The following NPHP4 variants were observed in gnomAD, a reference collection of about 807,000 sequenced individuals.
NPHP4 encodes nephrocystin-4.
Under a neutral mutation model 155.8 loss-of-function variants are expected in NPHP4, and 151 were observed. The observed-to-expected ratio is 0.97, with a 90% CI of 0.85 to 1.11. The LOEUF (loss-of-function observed/expected upper bound fraction) is 1.11. NPHP4 is among the 50% of genes least tolerant of loss of function. The pLI is 0.00. For synonymous variants in NPHP4, 845 were observed against 816.8 expected (o/e 1.03, Z -0.59); for missense variants, 1,956 against 1,925.7 (o/e 1.02, Z -0.29).
chr1:5,990,045 A>C (rs568305459), intron 1 of NPHP4, among the ~76,000 whole-genome samples: 1 of 152,298 alleles, frequency 6.6e-6, no homozygotes, highest in South Asian at 2.1e-4. Context: ...TGGGAGCCCA[A>C]GCGCCCGCAG....
rs1642698970 is a variant in NPHP4 at position 5,877,184 on chromosome 1, T to A, written c.2726A>T (p.Asp909Val). The A allele has an allele frequency of 3.1e-6, 5 of 1,604,240 alleles. No individual in the cohort carries two copies. Among genetic ancestry groups the A allele is most frequent in the Non-Finnish European group, 4.3e-6 (5 of 1,174,844 alleles). Residue 909 changes from aspartate to valine, a missense_variant, in exon 20 of 30, where the codon GAT becomes GTT. Asp to Val is a radical substitution (Grantham distance 152). Coordinates refer to ENST00000378156, the MANE Select transcript of NPHP4 (RefSeq NM_015102.5). ...KGPQDVSRES[D>V]ATRRRKLERM... ...CTCCAGCTTACGCCTGCGGGTGGCATCCGACTCGCGGCTGACGTCCTGGGG... is the reference window on the plus strand; with the variant it reads ...CTCCAGCTTACGCCTGCGGGTGGCAACCGACTCGCGGCTGACGTCCTGGGG...
intron 3 of NPHP4, among the ~76,000 whole-genome samples, chr1:5,977,125 C>T (rs537317829): frequency 6.6e-6 from 1 of 152,126 alleles, no homozygotes; most frequent in Non-Finnish European, 1.5e-5. Flanking sequence ...CTCTCAAACT[C>T]CCCCCACTCG....
chr1:5,877,482 G>T, intron 19 of NPHP4, 184 bp from the exon 20 acceptor site: 1 of 433,546 alleles, frequency 2.3e-6, no homozygotes, highest in Non-Finnish European at 4.1e-6. Context: ...TTTATACCCT[G>T]GTTTCCACAG....
rs116619599 is a variant in NPHP4, at chr1:5,873,974, C to T, written c.3231+497G>A. ...CCTCCTGCACACACACCTCACATAT[C>T]GCCCCTGCACACACACCTCACATAC... is the stretch of plus-strand genomic sequence containing the variant. On this transcript the variant is annotated intron_variant, in intron 22 of 29. Transcript: ENST00000378156. 959 of 216,058 alleles carry T rather than the reference C, an allele frequency of 4.4e-3. 5 individuals carry two copies. Among genetic ancestry groups the T allele is most frequent in the African/African-American group, 0.022 (907 of 42,010 alleles). The allele number at this position is 216,058 out of a possible 1,614,324, so 13.4% of individuals were successfully genotyped here.
chr1:5,876,799 A>G, intron 20 of NPHP4: 1 of 329,250 alleles, frequency 3.0e-6, no homozygotes, highest in African/African-American at 2.1e-5. Flanking sequence ...GGAGAGCCTC[A>G]GAATCACCTG....
At chr1:5,911,909 G>C (rs770962033) in intron 11 of NPHP4, among the ~76,000 whole-genome samples, 12 of 152,210 alleles carry the variant, frequency 7.9e-5, no homozygotes, top group Non-Finnish European at 2.9e-5. Flanking sequence ...CAGGCCCCAG[G>C]AGTCTTCCAA....
chr1:5,961,630 A>G (rs1026825198), intron 6 of NPHP4, among the ~76,000 whole-genome samples, 164 bp downstream of exon 6: 1 of 152,154 alleles, frequency 6.6e-6, no homozygotes, highest in African/African-American at 2.4e-5. Context: ...CTGCCATTCC[A>G]TCCTCCTCCA....
intron 16 of NPHP4, among the ~76,000 whole-genome samples, chr1:5,897,431 C>T (rs141628655): frequency 1.2e-4 from 18 of 152,322 alleles, no homozygotes; most frequent in East Asian, 1.2e-3. Flanking sequence ...CTGACATTCG[C>T]GCCTCCTGAG....
chr1:5,872,087 T>G (rs959275538), intron 23 of NPHP4, among the ~76,000 whole-genome samples: 1 of 152,250 alleles, frequency 6.6e-6, no homozygotes, highest in African/African-American at 2.4e-5. Flanking sequence ...GCAGCTGCCA[T>G]TAAACCCCTA....
At chr1:5,868,257 T>C in intron 23 of NPHP4, 1 of 372,930 alleles carries the variant, frequency 2.7e-6, no homozygotes, top group South Asian at 2.1e-5. Flanking sequence ...TGTGTGCATG[T>C]GCGCAAGTCA....
intron 16 of NPHP4, among the ~76,000 whole-genome samples, chr1:5,896,869 A>T (rs1213785472): frequency 6.6e-6 from 1 of 152,150 alleles, no homozygotes; most frequent in African/African-American, 2.4e-5. Flanking sequence ...GTCCAATCAG[A>T]GCCGGTGAAA....
intron 11 of NPHP4, among the ~76,000 whole-genome samples, chr1:5,925,895 G>GT (rs1178724356): frequency 6.6e-6 from 1 of 152,200 alleles, no homozygotes; most frequent in Non-Finnish European, 1.5e-5. Context: ...GATTACAGGC[G>GT]TGAGCCACCG....
At chr1:5,965,382 G>C (rs910147672) in intron 5 of NPHP4, among the ~76,000 whole-genome samples, 1 of 152,118 alleles carries the variant, frequency 6.6e-6, no homozygotes, top group Non-Finnish European at 1.5e-5. Flanking sequence ...CCACACAGAC[G>C]CATGGACATG....
Position 5,864,008 on chromosome 1 carries a change from C to G in NPHP4, c.4022G>C (p.Gly1341Ala), listed in dbSNP as rs761255700. Residue 1341 changes from glycine to alanine, a missense_variant, in exon 29 of 30, where the codon GGC becomes GCC. By Grantham distance (60) the Gly-to-Ala change is moderately conservative. Transcript: ENST00000378156. The part of the protein sequence containing the change: ...SKAFEIMLAA[G>A]EGKGVNKRIT... ...CCTCTTGTTGACACCCTTCCCTTCGCCCGCAGCCAACATGATCTCAAAGGC... is the reference window on the plus strand; with the variant it reads ...CCTCTTGTTGACACCCTTCCCTTCGGCCGCAGCCAACATGATCTCAAAGGC... 1 of 1,613,560 alleles carries G rather than the reference C, an allele frequency of 6.2e-7. No individual in the cohort carries two copies. Among genetic ancestry groups the G allele is most frequent in the South Asian group, 1.1e-5 (1 of 90,948 alleles).
Position 5,905,713 on chromosome 1 carries a change from T to G in NPHP4, c.1682A>C (p.Glu561Ala), listed in dbSNP as rs1644883218. 1 of 1,613,648 alleles carries G rather than the reference T, an allele frequency of 6.2e-7. No individual in the cohort carries two copies. Among genetic ancestry groups the G allele is most frequent in the African/African-American group, 1.3e-5 (1 of 74,908 alleles). ...CTGTAACTGTTCGGCAATGGATGTT[T>G]CCAGGACCAGGGAGGTCTGGCTCAG... ...ADLSQTSLVL[E>A]TSIAEQLQEL... Residue 561 changes from glutamate to alanine, a missense_variant, in exon 14 of 30, where the codon GAA (glutamate) becomes GCA (alanine). Glu to Ala is a moderately radical substitution (Grantham distance 107, BLOSUM62 -1). Coordinates refer to ENST00000378156, the MANE Select transcript of NPHP4 (RefSeq NM_015102.5). The surrounding 1 kb of genome is among the most constrained non-coding windows in gnomAD (Gnocchi z 4.0).
At chr1:5,919,745 G>T (rs1158594594) in intron 11 of NPHP4, among the ~76,000 whole-genome samples, 3 of 144,514 alleles carry the variant, frequency 2.1e-5, no homozygotes, top group African/African-American at 7.6e-5. Context: ...GGTTTTTTTT[G>T]TTTTTTTTTT....
In NPHP4 at chr1:5,959,982, T is replaced by C. The variant is rs376054460; in HGVS notation, c.673+1812A>G. On this transcript the variant is annotated intron_variant, in intron 6 of 29. Transcript: ENST00000378156. ...GATGATCAGTATCAAGCAGGCGACA[T>C]CTCACAGCGGCGCCTACAGGGCCCT... Among the ~76,000 whole-genome samples, 6 of 152,298 alleles carry C rather than the reference T, an allele frequency of 3.9e-5. No homozygotes were observed. The East Asian group carries it at 1.2e-3, about 29-fold the overall frequency.
At chr1:5,953,026 A>C (rs1488786542) in intron 6 of NPHP4, among the ~76,000 whole-genome samples, 190 bp from the exon 7 acceptor site, 1 of 152,166 alleles carries the variant, frequency 6.6e-6, no homozygotes, top group Non-Finnish European at 1.5e-5. Flanking sequence ...TTTCATTGGC[A>C]GTCCAAAATC....
intron 11 of NPHP4, among the ~76,000 whole-genome samples, chr1:5,924,741 A>G (rs1434071917): frequency 1.3e-5 from 2 of 152,132 alleles, no homozygotes; most frequent in African/African-American, 4.8e-5. Context: ...TGCAGCCTCC[A>G]TCTCCCGGGC....
Sources: gnomAD v4.1 joint callset for allele counts (sites outside exome capture counted in the v4.1 genomes callset) on GRCh38, gnomAD v4.1.1 for gene constraint, Gnocchi (gnomAD v3.1) non-coding constraint, MANE v1.5 for transcripts, NCBI Gene and HGNC (gene_info 2026-07-23, HGNC 2026-07-21) for gene names.